The following IL1RAPL1 variants were observed in gnomAD, a reference collection of about 807,000 sequenced individuals.
IL1RAPL1 encodes the protein interleukin-1 receptor accessory protein-like 1.
In IL1RAPL1, 3 loss-of-function variants were observed where a neutral mutation model predicts 48.4. The observed-to-expected ratio is 0.06, with a 90% CI of 0.03 to 0.16. IL1RAPL1 has a LOEUF of 0.16. Ranked by LOEUF, IL1RAPL1 falls within the 10% of genes least tolerant of loss-of-function variation. IL1RAPL1 has a pLI of 1.00. For synonymous variants in IL1RAPL1, 185 were observed against 187.7 expected (o/e 0.99, Z 0.12); for missense variants, 349 against 530.6 (o/e 0.66, Z 3.36).
intron 2 of IL1RAPL1, among the ~76,000 whole-genome samples, chrX:29,068,830 A>G (rs1485361804): frequency 8.9e-6 from 1 of 112,109 alleles, no homozygotes; most frequent in African/African-American, 3.2e-5. Flanking sequence ...GATTTTAACC[A>G]GTAGGAGTGA....
chrX:29,118,648 T>A (rs1225636492), intron 2 of IL1RAPL1, among the ~76,000 whole-genome samples: 1 of 111,691 alleles, frequency 9.0e-6, no homozygotes, highest in East Asian at 2.8e-4. Flanking sequence ...TATATTATAG[T>A]TTACTACTAA....
chrX:28,782,312 G>A (rs1341955742), intron 1 of IL1RAPL1, among the ~76,000 whole-genome samples: 1 of 111,564 alleles, frequency 9.0e-6, no homozygotes, highest in African/African-American at 3.2e-5. Context: ...TTGACTAGAA[G>A]TGCATATTCC....
At chrX:29,767,229 A>AATC (rs1187920285) in intron 6 of IL1RAPL1, among the ~76,000 whole-genome samples, 1 of 112,316 alleles carries the variant, frequency 8.9e-6, no homozygotes. Context: ...ATACACAACT[A>AATC]ATCTTGAATG....
At chrX:29,749,800 A>G (rs1371609058) in intron 6 of IL1RAPL1, among the ~76,000 whole-genome samples, 2 of 112,230 alleles carry the variant, frequency 1.8e-5, no homozygotes, top group Non-Finnish European at 3.8e-5. Context: ...CTGACACCCT[A>G]CAGTGTTCCA....
intron 3 of IL1RAPL1, among the ~76,000 whole-genome samples, chrX:29,319,317 G>A (rs894285150): frequency 9.7e-6 from 1 of 102,963 alleles, no homozygotes; most frequent in Non-Finnish European, 2.0e-5. Flanking sequence ...TCAGCCTCCC[G>A]AGTAGCTAGA....
chrX:29,490,865 T>TATATATATATATATATATATATATA (rs778859346), intron 5 of IL1RAPL1, among the ~76,000 whole-genome samples: 1 of 107,593 alleles, frequency 9.3e-6, no homozygotes, highest in African/African-American at 3.6e-5. Flanking sequence ...TATATATATA[T>TATATATATATATATATATATATATA]TCTGAGTGTG....
chrX:29,392,705 T>C (rs1933868659), intron 3 of IL1RAPL1, among the ~76,000 whole-genome samples: 1 of 111,814 alleles, frequency 8.9e-6, no homozygotes, highest in Non-Finnish European at 1.9e-5. Context: ...TTTCTGAAGA[T>C]TAGGGGACAT....
At chrX:28,974,694 G>C (rs778487544) in intron 2 of IL1RAPL1, among the ~76,000 whole-genome samples, 26 of 111,847 alleles carry the variant, frequency 2.3e-4, no homozygotes, top group African/African-American at 8.1e-4. Flanking sequence ...ACATGTGCAG[G>C]GATTAAGAGT....
At chrX:29,768,076 C>A (rs1928959652) in intron 6 of IL1RAPL1, among the ~76,000 whole-genome samples, 1 of 111,647 alleles carries the variant, frequency 9.0e-6, no homozygotes, top group African/African-American at 3.2e-5. Context: ...ATGACCCCAG[C>A]CAAATAGCAT....
At chrX:29,092,658 G>A (rs747942918) in intron 2 of IL1RAPL1, among the ~76,000 whole-genome samples, 36 of 110,847 alleles carry the variant, frequency 3.2e-4, no homozygotes, top group Non-Finnish European at 5.9e-4. Context: ...ACATCTAATT[G>A]ATTTATCAAA....
intron 2 of IL1RAPL1, among the ~76,000 whole-genome samples, chrX:29,057,199 A>T (rs1404342294): frequency 9.0e-6 from 1 of 111,637 alleles, no homozygotes; most frequent in South Asian, 3.7e-4. Context: ...CCTCATCATG[A>T]TATTCACATA....
At chrX:29,930,609 T>C (rs781623591) in intron 8 of IL1RAPL1, among the ~76,000 whole-genome samples, 7 of 111,859 alleles carry the variant, frequency 6.3e-5, no homozygotes, top group Non-Finnish European at 1.1e-4. Flanking sequence ...TTTTTCAAAT[T>C]CTTTACTAAA....
At chrX:29,854,694 T>C (rs771527695) in intron 6 of IL1RAPL1, among the ~76,000 whole-genome samples, 10 of 111,556 alleles carry the variant, frequency 9.0e-5, no homozygotes, top group African/African-American at 3.3e-4. Flanking sequence ...AATACTTTCC[T>C]GGTTTAGAGT....
intron 2 of IL1RAPL1, among the ~76,000 whole-genome samples, chrX:29,038,324 T>C (rs1482044011): frequency 8.9e-6 from 1 of 111,903 alleles, no homozygotes; most frequent in Non-Finnish European, 1.9e-5. Flanking sequence ...TGTTCTAATA[T>C]GTACAGGTAG....
At chrX:29,646,106 G>A (rs1427323391) in intron 5 of IL1RAPL1, among the ~76,000 whole-genome samples, 1 of 112,006 alleles carries the variant, frequency 8.9e-6, no homozygotes, top group African/African-American at 3.2e-5. Context: ...ACCTTAAAGA[G>A]ATGGAGATAT....
At chrX:28,992,065 G>A (rs1298915047) in intron 2 of IL1RAPL1, among the ~76,000 whole-genome samples, 1 of 112,015 alleles carries the variant, frequency 8.9e-6, no homozygotes, top group Non-Finnish European at 1.9e-5. Flanking sequence ...GAAAGCTATG[G>A]CTTAGATAGA....
intron 1 of IL1RAPL1, among the ~76,000 whole-genome samples, chrX:28,713,524 C>A (rs920110416): frequency 9.0e-6 from 1 of 111,010 alleles, no homozygotes; most frequent in African/African-American, 3.3e-5. Flanking sequence ...AGAAAAGTAA[C>A]CTATAGCCCC....
chrX:29,626,494 C>G (rs1385940876), intron 5 of IL1RAPL1, among the ~76,000 whole-genome samples: 2 of 112,013 alleles, frequency 1.8e-5, no homozygotes, highest in Admixed American at 9.5e-5. Context: ...TAATATAAGT[C>G]CATTCTCAGG....
intron 6 of IL1RAPL1, among the ~76,000 whole-genome samples, chrX:29,746,025 A>G (rs1928329266): frequency 2.7e-5 from 3 of 111,528 alleles, no homozygotes; most frequent in African/African-American, 9.8e-5. Flanking sequence ...CTAGCTTATT[A>G]TTTTACATCA....
Sources: gnomAD v4.1 joint callset for allele counts (sites outside exome capture counted in the v4.1 genomes callset) on GRCh38, gnomAD v4.1.1 for gene constraint, MANE v1.5 for transcripts, NCBI Gene and HGNC (gene_info 2026-07-23, HGNC 2026-07-21) for gene names.